The following DLGAP1 variants were observed in gnomAD, a reference collection of about 807,000 sequenced individuals.
The protein encoded by DLGAP1 is DLG associated protein 1.
Under a neutral mutation model 90.8 loss-of-function variants are expected in DLGAP1, and 11 were observed. That is an observed-to-expected ratio of 0.12 (90% CI 0.08 to 0.20). DLGAP1 has a LOEUF of 0.20. Ranked by LOEUF, DLGAP1 falls within the 10% of genes least tolerant of loss-of-function variation. The probability of loss-of-function intolerance (pLI) is 1.00; values close to 1 mark genes in which losing one functional copy is unlikely to be tolerated. For synonymous variants in DLGAP1, 558 were observed against 540.7 expected, an observed-to-expected ratio of 1.03 and a Z score of -0.44; for missense variants, 1,050 against 1,333.8, an observed-to-expected ratio of 0.79 and a Z score of 3.31.
At chr18:4,427,664 T>C (rs1187319757) in intron 1 of DLGAP1, among the ~76,000 whole-genome samples, 2 of 152,106 alleles carry the variant, frequency 1.3e-5, no homozygotes, top group African/African-American at 2.4e-5. Context: ...GCCTGGTCAA[T>C]CCAGCCTCAG....
intron 5 of DLGAP1, among the ~76,000 whole-genome samples, chr18:3,755,627 A>G (rs181522796): frequency 6.6e-6 from 1 of 152,330 alleles, no homozygotes. Flanking sequence ...AAATCTTACA[A>G]TTATAAACAT....
At chr18:4,390,754 C>T (rs1407469614) in intron 1 of DLGAP1, among the ~76,000 whole-genome samples, 2 of 152,186 alleles carry the variant, frequency 1.3e-5, no homozygotes, top group Non-Finnish European at 2.9e-5. Flanking sequence ...TGATGGAAGA[C>T]ATCTTGGTTG....
intron 1 of DLGAP1, among the ~76,000 whole-genome samples, chr18:4,314,175 C>T (rs2080470501): frequency 1.3e-5 from 2 of 152,142 alleles, no homozygotes; most frequent in Non-Finnish European, 2.9e-5. Context: ...AAATGATTGA[C>T]CTTTATCTAT....
chr18:3,797,325 G>GA (rs746881430), intron 5 of DLGAP1, among the ~76,000 whole-genome samples: 2,480 of 132,796 alleles, frequency 0.019, 39 homozygotes, highest in East Asian at 0.055. Context: ...ACTGTCTCAG[G>GA]AAAAAAAAAA....
At chr18:4,307,143 G>A (rs183242286) in intron 1 of DLGAP1, among the ~76,000 whole-genome samples, 1 of 152,318 alleles carries the variant, frequency 6.6e-6, no homozygotes, top group Admixed American at 6.5e-5. Flanking sequence ...ATGTGTTAAT[G>A]TGCTATAGGA....
chr18:4,021,915 A>G (rs903167626), intron 2 of DLGAP1, among the ~76,000 whole-genome samples: 1 of 152,152 alleles, frequency 6.6e-6, no homozygotes, highest in African/African-American at 2.4e-5. Flanking sequence ...GTATTTCTTT[A>G]TAGCAACACA....
intron 7 of DLGAP1, among the ~76,000 whole-genome samples, chr18:3,614,380 A>G (rs1261090186): frequency 1.3e-5 from 2 of 152,200 alleles, no homozygotes; most frequent in African/African-American, 4.8e-5. Flanking sequence ...GGCTGAGTAG[A>G]AAGGGAGAAA....
At chr18:4,278,754 A>G (rs1327895787) in intron 1 of DLGAP1, among the ~76,000 whole-genome samples, 1 of 111,026 alleles carries the variant, frequency 9.0e-6, no homozygotes, top group Non-Finnish European at 1.6e-5. Context: ...TTATACACAC[A>G]CACACACATA....
chr18:4,261,589 T>G (rs1005322904), intron 1 of DLGAP1, among the ~76,000 whole-genome samples: 1 of 152,146 alleles, frequency 6.6e-6, no homozygotes, highest in Non-Finnish European at 1.5e-5. Context: ...CACCTCTCTG[T>G]CCCATCCAAT....
chr18:3,724,016 T>C (rs1331540312), intron 7 of DLGAP1, among the ~76,000 whole-genome samples: 1 of 152,172 alleles, frequency 6.6e-6, no homozygotes, highest in African/African-American at 2.4e-5. Context: ...GTTTAATAAA[T>C]TCCTCTAATA....
At chr18:3,828,211 C>T (rs1366074857) in intron 4 of DLGAP1, among the ~76,000 whole-genome samples, 2 of 152,106 alleles carry the variant, frequency 1.3e-5, no homozygotes, top group African/African-American at 4.8e-5. Context: ...AGATGACAGC[C>T]CAGATGAAGT....
intron 4 of DLGAP1, among the ~76,000 whole-genome samples, chr18:3,854,501 T>G (rs1401564856): frequency 6.6e-6 from 1 of 152,220 alleles, no homozygotes; most frequent in African/African-American, 2.4e-5. Flanking sequence ...TGTTCTTTCC[T>G]CAAGATTCTA....
At chr18:3,636,294 A>G (rs2058711345) in intron 7 of DLGAP1, among the ~76,000 whole-genome samples, 1 of 151,500 alleles carries the variant, frequency 6.6e-6, no homozygotes, top group South Asian at 2.1e-4. Flanking sequence ...TCATTAACTA[A>G]TTATAGATTT....
intron 2 of DLGAP1, among the ~76,000 whole-genome samples, chr18:4,100,163 G>A (rs953816628): frequency 2.0e-5 from 3 of 152,122 alleles, no homozygotes; most frequent in Non-Finnish European, 2.9e-5. Flanking sequence ...CACTATCTAT[G>A]GCAGCTATAG....
intron 8 of DLGAP1, among the ~76,000 whole-genome samples, chr18:3,570,110 C>T (rs2054679812): frequency 6.6e-6 from 1 of 151,928 alleles, no homozygotes; most frequent in Non-Finnish European, 1.5e-5. Context: ...GTAGTATGCT[C>T]TACCTCCCAG....
chr18:3,938,431 T>G (rs77673344), intron 3 of DLGAP1, among the ~76,000 whole-genome samples: 22,057 of 151,970 alleles, frequency 0.15, 1,677 homozygotes, highest in Middle Eastern at 0.18. Flanking sequence ...GAGACTTAGA[T>G]GTATGAGAGT....
At chr18:3,663,405 C>T (rs574183569) in intron 7 of DLGAP1, among the ~76,000 whole-genome samples, 15 of 152,300 alleles carry the variant, frequency 9.8e-5, no homozygotes, top group South Asian at 4.2e-4. Context: ...GGATGACTAA[C>T]GATGACCACA....
At chr18:3,561,017 G>A (rs1180129257) in intron 9 of DLGAP1, among the ~76,000 whole-genome samples, 2 of 150,584 alleles carry the variant, frequency 1.3e-5, no homozygotes, top group African/African-American at 2.5e-5. Flanking sequence ...TTGTATCATT[G>A]CTGCCATTCA....
At chr18:3,934,160 C>G (rs936221466) in intron 3 of DLGAP1, among the ~76,000 whole-genome samples, 24 of 152,158 alleles carry the variant, frequency 1.6e-4, no homozygotes, top group Admixed American at 1.6e-3. Flanking sequence ...CAAAGTACAG[C>G]CTTTTCCCTT....
Sources: allele counts gnomAD v4.1 joint callset (sites outside exome capture counted in the v4.1 genomes callset), GRCh38; gene constraint gnomAD v4.1.1; transcripts MANE v1.5; gene names NCBI Gene and HGNC (gene_info 2026-07-23, HGNC 2026-07-21).